The following TBX20 variants were observed in gnomAD, a reference collection of about 807,000 sequenced individuals.
TBX20 encodes T-box transcription factor TBX20.
A neutral mutation model predicts 42.9 loss-of-function variants in TBX20; 8 were observed. The ratio of observed to expected loss-of-function variants is 0.19; its 90% CI spans 0.11 to 0.34. The LOEUF (loss-of-function observed/expected upper bound fraction) is 0.34. Among genes scored for constraint, TBX20 ranks in the 10% least tolerant of loss-of-function variants. The pLI is 1.00. For missense variants in TBX20, 411 were observed against 566.0 expected (o/e 0.73, Z 2.78); for synonymous variants, 198 against 222.8 (o/e 0.89, Z 0.99).
chr7:35,204,408 C>A (rs1789361687), intron 7 of TBX20, 62 bp downstream of exon 7: 17 of 1,099,094 alleles, frequency 1.5e-5, no homozygotes, highest in South Asian at 2.6e-5. Context: ...CAACGACCTG[C>A]CCCCATTCTC....
intron 5 of TBX20, among the ~76,000 whole-genome samples, chr7:35,236,297 C>T (rs1789963686): frequency 6.6e-6 from 1 of 150,704 alleles, no homozygotes; most frequent in African/African-American, 2.4e-5. Flanking sequence ...TTTAAATCTT[C>T]CTCTCTTTTC....
intron 5 of TBX20, among the ~76,000 whole-genome samples, chr7:35,238,200 G>A (rs1427694903): frequency 6.6e-6 from 1 of 152,112 alleles, no homozygotes; most frequent in Admixed American, 6.5e-5. Flanking sequence ...CACATAGTAA[G>A]TACCCAAATG....
intron 6 of TBX20, among the ~76,000 whole-genome samples, chr7:35,229,899 T>C (rs1789838725): frequency 6.6e-6 from 1 of 152,188 alleles, no homozygotes; most frequent in African/African-American, 2.4e-5. Context: ...TTTTCCATTT[T>C]CTAGATGAGC....
chr7:35,230,438 T>C (rs1480089712), intron 6 of TBX20, among the ~76,000 whole-genome samples: 1 of 152,098 alleles, frequency 6.6e-6, no homozygotes, highest in East Asian at 1.9e-4. Context: ...TCAAATCCCA[T>C]AGTTCCTGGC....
chr7:35,231,999 G>A (rs2128713518), intron 5 of TBX20, among the ~76,000 whole-genome samples: 1 of 152,232 alleles, frequency 6.6e-6, no homozygotes, highest in Middle Eastern at 3.4e-3. Context: ...CATCTGACTT[G>A]GTGACATCTT....
intron 4 of TBX20, 27 bp downstream of exon 4, chr7:35,244,922 C>T: frequency 1.3e-6 from 2 of 1,555,916 alleles, no homozygotes; most frequent in Non-Finnish European, 1.8e-6. Context: ...CTCAGGGAAC[C>T]TGCACAGTCC....
intron 1 of TBX20, among the ~76,000 whole-genome samples, chr7:35,251,574 TA>T (rs1192788474): frequency 6.6e-6 from 1 of 152,208 alleles, no homozygotes. Context: ...GAAGTAGTGT[TA>T]ATGACTTTTT....
intron 6 of TBX20, among the ~76,000 whole-genome samples, chr7:35,206,484 C>T (rs1377045475): frequency 6.6e-6 from 1 of 152,108 alleles, no homozygotes; most frequent in East Asian, 1.9e-4. Context: ...AAGGCAGAGG[C>T]TGCAGTGAGC....
chr7:35,211,778 C>G (rs2128710707), intron 6 of TBX20, among the ~76,000 whole-genome samples: 1 of 152,258 alleles, frequency 6.6e-6, no homozygotes, highest in East Asian at 1.9e-4. Flanking sequence ...TACTTTGTTT[C>G]TAATGAGAAA....
chr7:35,253,183 G>C (rs1371560215), intron 1 of TBX20, among the ~76,000 whole-genome samples: 1 of 152,186 alleles, frequency 6.6e-6, no homozygotes, highest in Admixed American at 6.5e-5. Context: ...CTTAAAAGGG[G>C]TTTTATTATT....
intron 1 of TBX20, among the ~76,000 whole-genome samples, chr7:35,253,221 C>T (rs1790338718): frequency 6.6e-6 from 1 of 152,196 alleles, no homozygotes. Flanking sequence ...TTTAACCCAA[C>T]AAACATACAC....
At chr7:35,246,488 TCAC>T (rs1790188815) in intron 3 of TBX20, among the ~76,000 whole-genome samples, 1 of 152,190 alleles carries the variant, frequency 6.6e-6, no homozygotes, top group Non-Finnish European at 1.5e-5. Context: ...AGGATCACAT[TCAC>T]CACATGTAAT....
intron 6 of TBX20, among the ~76,000 whole-genome samples, chr7:35,212,316 T>A (rs1020085608): frequency 3.3e-5 from 5 of 152,208 alleles, no homozygotes; most frequent in Non-Finnish European, 7.3e-5. Flanking sequence ...CTGGAATGTA[T>A]GGAATACAAT....
chr7:35,224,290 A>G (rs1439230579), intron 6 of TBX20, among the ~76,000 whole-genome samples: 1 of 152,254 alleles, frequency 6.6e-6, no homozygotes, highest in East Asian at 1.9e-4. Context: ...AAGGTACAAA[A>G]CCAACTAATT....
At chr7:35,204,698 C>A in intron 6 of TBX20, 116 bp from the exon 7 acceptor site, 2 of 732,538 alleles carry the variant, frequency 2.7e-6, no homozygotes, top group Non-Finnish European at 4.9e-6. Context: ...AAAAAGCAAC[C>A]ACTGCACAGA....
At chr7:35,231,636 C>T in intron 5 of TBX20, 56 bp from the exon 6 acceptor site, 1 of 1,196,720 alleles carries the variant, frequency 8.4e-7, no homozygotes, top group South Asian at 1.2e-5. Context: ...GAAGTAAAAT[C>T]AGAAATAGTT....
chr7:35,234,063 G>C (rs1789917290), intron 5 of TBX20, among the ~76,000 whole-genome samples: 1 of 152,148 alleles, frequency 6.6e-6, no homozygotes, highest in African/African-American at 2.4e-5. Context: ...TTATAAAATT[G>C]AAAAGTAAAC....
At chr7:35,244,710 T>C (rs1198050996) in intron 4 of TBX20, among the ~76,000 whole-genome samples, 1 of 152,184 alleles carries the variant, frequency 6.6e-6, no homozygotes, top group South Asian at 2.1e-4. Context: ...AGGAATTCCA[T>C]GGAACAGAAG....
At chr7:35,239,531 G>A (rs910341571) in intron 5 of TBX20, among the ~76,000 whole-genome samples, 39 of 145,076 alleles carry the variant, frequency 2.7e-4, no homozygotes, top group Admixed American at 9.0e-4. Context: ...TTTCTGGTCC[G>A]TTCTGATGGA....
Sources: allele counts gnomAD v4.1 joint callset (sites outside exome capture counted in the v4.1 genomes callset), GRCh38; gene constraint gnomAD v4.1.1; transcripts MANE v1.5; gene names NCBI Gene and HGNC (gene_info 2026-07-23, HGNC 2026-07-21).